Variants in HPS1 observed in about 807,000 individuals in gnomAD.
The protein encoded by HPS1 is HPS1 biogenesis of lysosomal organelles complex 3 subunit 1.
In HPS1, 59 loss-of-function variants were observed where a neutral mutation model predicts 90.6. The ratio of observed to expected loss-of-function variants is 0.65; its 90% CI spans 0.53 to 0.81. The LOEUF (loss-of-function observed/expected upper bound fraction) is 0.81. Ranked by LOEUF, HPS1 falls within the 30% of genes least tolerant of loss-of-function variation. The probability of loss-of-function intolerance (pLI) is 0.00; values close to 1 mark genes in which losing one functional copy is unlikely to be tolerated. For missense variants in HPS1, 849 were observed against 896.7 expected (o/e 0.95, Z 0.68); for synonymous variants, 388 against 384.4 (o/e 1.01, Z -0.11).
chr10:98,428,853 T>G (rs897374945), intron 10 of HPS1, among the ~76,000 whole-genome samples: 4 of 151,996 alleles, frequency 2.6e-5, no homozygotes, highest in Non-Finnish European at 5.9e-5. Context: ...GTTTTGTTTT[T>G]TTTTTTGAGA....
chr10:98,442,218 C>G (rs1938556763), intron 3 of HPS1, among the ~76,000 whole-genome samples: 1 of 152,144 alleles, frequency 6.6e-6, no homozygotes, highest in Non-Finnish European at 1.5e-5. Flanking sequence ...AGCAGTCAAA[C>G]CAAAACCAAA....
rs1332802702 is a variant in HPS1, at chr10:98,421,965, AACACACACACACAGACACACACACACAC to A, written c.1743+376_1743+403del. ...CCCCACCAAAACAAAGAAAGAAAAG[AACACACACACACAGACACACACACACAC>A]ACACACACACACACACACACACGTA... On this transcript the variant is annotated intron_variant, in intron 17 of 19. Transcript: ENST00000361490. Among the ~76,000 whole-genome samples, 3 of 118,694 alleles carry A rather than the reference AACACACACACACAGACACACACACACAC, an allele frequency of 2.5e-5. No homozygotes were observed. The Admixed American group carries it at 2.6e-4, about 10-fold the overall frequency. The allele number at this position is 118,694 out of a possible 152,430, so 77.9% of individuals were successfully genotyped here.
chr10:98,441,680 C>G (rs1938450339), intron 3 of HPS1, among the ~76,000 whole-genome samples: 1 of 152,068 alleles, frequency 6.6e-6, no homozygotes, highest in Admixed American at 6.6e-5. Flanking sequence ...GAAGAAGAAA[C>G]AATCAACTCA....
chr10:98,419,099 G>C (rs1401979998), intron 18 of HPS1, among the ~76,000 whole-genome samples: 1 of 152,110 alleles, frequency 6.6e-6, no homozygotes, highest in African/African-American at 2.4e-5. Context: ...AGGAATCCCT[G>C]CCCCAGCCAC....
At chr10:98,427,750 C>G (rs555601815) in intron 10 of HPS1, among the ~76,000 whole-genome samples, 8 of 152,314 alleles carry the variant, frequency 5.3e-5, no homozygotes, top group African/African-American at 1.9e-4. Context: ...GGATTTCCTT[C>G]CTAATATAAC....
chr10:98,418,984 G>C (rs771105729), intron 18 of HPS1, among the ~76,000 whole-genome samples: 4 of 152,344 alleles, frequency 2.6e-5, no homozygotes, highest in Middle Eastern at 3.4e-3. Flanking sequence ...CCTGCAGGCC[G>C]GGGGAGCAGA....
At chr10:98,430,734 T>G in intron 7 of HPS1, 64 bp from the exon 8 acceptor site, 1 of 1,367,098 alleles carries the variant, frequency 7.3e-7, no homozygotes, top group Non-Finnish European at 1.0e-6. Flanking sequence ...GCAGGCAGGT[T>G]AAAGGAGTGT....
At chr10:98,434,240 C>A in intron 5 of HPS1, 149 bp from the exon 6 acceptor site, 1 of 784,040 alleles carries the variant, frequency 1.3e-6, no homozygotes, top group Non-Finnish European at 2.0e-6. Context: ...GCCAGGTTTC[C>A]GGCCGAGCTC....
chr10:98,417,660 G>A lies in HPS1; in HGVS notation c.2007C>T (p.Ala669=). The change falls in exon 20 of 20, where the codon GCC becomes GCT. Residue 669 remains alanine, a synonymous_variant. Coordinates refer to ENST00000361490, the MANE Select transcript of HPS1 (RefSeq NM_000195.5). This position sits in a 1 kb window ranked among gnomAD's most constrained non-coding sequence, Gnocchi z 4.2. ...TEAVRCYELL[A]LHLSVIPTDL... Reference sequence around the variant, plus strand: ...CAGTGGGGATGACAGACAGGTGCAGGGCCAGCAGCTCGTAGCACCTGACAG... The same window carrying A: ...CAGTGGGGATGACAGACAGGTGCAGAGCCAGCAGCTCGTAGCACCTGACAG... 1 of 1,613,854 alleles carries A rather than the reference G, an allele frequency of 6.2e-7. No homozygotes were observed. The highest frequency in any genetic ancestry group is 8.5e-7 in the Non-Finnish European group (1 of 1,179,936).
At chr10:98,436,979 G>A (rs11189603) in intron 3 of HPS1, among the ~76,000 whole-genome samples, 3,228 of 152,262 alleles carry the variant, frequency 0.021, 116 homozygotes, top group East Asian at 0.16. Flanking sequence ...AGCTTTCACA[G>A]TGGCTCCTAC....
downstream of HPS1, chr10:98,414,424 C>G (rs1843905895): frequency 6.6e-6 from 1 of 152,180 alleles, no homozygotes; most frequent in Non-Finnish European, 1.5e-5. Context: ...CACTGCAGAT[C>G]CCCAAATGTC....
intron 3 of HPS1, among the ~76,000 whole-genome samples, chr10:98,439,423 G>A (rs893978848): frequency 6.6e-6 from 1 of 152,188 alleles, no homozygotes; most frequent in African/African-American, 2.4e-5. Context: ...CCCACCTCTT[G>A]TATCAGTGTG....
intron 2 of HPS1, among the ~76,000 whole-genome samples, chr10:98,444,191 C>T (rs1031943449): frequency 6.6e-6 from 1 of 152,122 alleles, no homozygotes; most frequent in Non-Finnish European, 1.5e-5. Flanking sequence ...GCCCCTGTAC[C>T]TAGTAGGCTG....
chr10:98,424,447 A>C, intron 13 of HPS1, 73 bp from the exon 14 acceptor site: 2 of 1,351,638 alleles, frequency 1.5e-6, no homozygotes, highest in Non-Finnish European at 2.1e-6. Context: ...AGTCCTTCTC[A>C]GATCAGGCTC....
At chr10:98,429,181 C>T (rs558640114) in intron 10 of HPS1, 167 of 1,056,514 alleles carry the variant, frequency 1.6e-4, no homozygotes, top group Non-Finnish European at 1.9e-4. Flanking sequence ...TGTTTACCCA[C>T]ATACTTTGGA....
At chr10:98,446,759 T>A (rs1939677402) in intron 1 of HPS1, 48 bp downstream of exon 1, 1 of 151,600 alleles carries the variant, frequency 6.6e-6, no homozygotes, top group African/African-American at 2.4e-5. Flanking sequence ...ACGCCCGGAG[T>A]GGGTGAGGCT....
chr10:98,416,141 G>A (rs550694118), downstream of HPS1: 4 of 152,420 alleles, frequency 2.6e-5, no homozygotes, highest in East Asian at 1.9e-4. Flanking sequence ...AGGGGGTTCC[G>A]AGGACCCCTC....
Position 98,418,184 on chromosome 10 carries a change from T to C in HPS1, c.1931A>G (p.Asp644Gly). 6.2e-7 allele frequency: 1 copy of C among 1,604,406 alleles called. No individual in the cohort carries two copies. The highest frequency in any genetic ancestry group is 8.5e-7 in the Non-Finnish European group (1 of 1,173,144). ...CCCAACGCAGCGTCACCTGTAGTAGTCTCCTCCCAGCATGCCGATAGGCAC... is the reference window on the plus strand; with the variant it reads ...CCCAACGCAGCGTCACCTGTAGTAGCCTCCTCCCAGCATGCCGATAGGCAC... ...DSVPIGMLGGDYYRKLLRYYS... is the reference protein window; with the variant it reads ...DSVPIGMLGGGYYRKLLRYYS... The change falls in exon 19 of 20, where the codon GAC (aspartate) becomes GGC (glycine). Residue 644 changes from aspartate to glycine, a missense_variant. Coordinates refer to ENST00000361490, the MANE Select transcript of HPS1 (RefSeq NM_000195.5).
chr10:98,429,106 T>C (rs998427012), intron 10 of HPS1: 9 of 669,670 alleles, frequency 1.3e-5, no homozygotes, highest in Non-Finnish European at 1.7e-5. Context: ...CCTCCCAAAG[T>C]GCTGGGATTA....
Sources: allele counts gnomAD v4.1 joint callset (sites outside exome capture counted in the v4.1 genomes callset), GRCh38; gene constraint gnomAD v4.1.1; non-coding constraint Gnocchi (gnomAD v3.1); transcripts MANE v1.5; gene names NCBI Gene and HGNC (gene_info 2026-07-23, HGNC 2026-07-21).